Variants in P2RX5 observed in about 807,000 individuals in gnomAD.
P2RX5 encodes purinergic receptor P2X 5.
In P2RX5, 46 loss-of-function variants were observed where a neutral mutation model predicts 54.1. That is an observed-to-expected ratio of 0.85 (90% CI 0.67 to 1.09). The LOEUF (loss-of-function observed/expected upper bound fraction) is 1.09. Among genes scored for constraint, P2RX5 ranks in the 50% least tolerant of loss-of-function variants. The pLI, the probability that P2RX5 is intolerant of heterozygous loss-of-function variation, is 0.00. For missense variants in P2RX5, 566 were observed against 549.8 expected (o/e 1.03, Z -0.29); for synonymous variants, 226 against 226.4 (o/e 1.00, Z 0.02).
At chr17:3,723,397 G>A in the P2RX5 span, 3 of 1,577,576 alleles carry the variant, frequency 1.9e-6, no homozygotes, top group East Asian at 2.2e-5. Flanking sequence ...GAAAAGCGAG[G>A]TCTAGTGAAC....
At chr17:3,704,077 C>G in the P2RX5 span, among the ~76,000 whole-genome samples, 77,189 of 151,634 alleles carry the variant, frequency 0.51, 21,572 homozygotes, top group South Asian at 0.69. Context: ...ACTCCAGCCT[C>G]GGCAACAAGA....
At chr17:3,716,822 CAAT>C in the P2RX5 span, 1 of 1,323,132 alleles carries the variant, frequency 7.6e-7, no homozygotes, top group Non-Finnish European at 1.1e-6. Context: ...AGAGATCGCC[CAAT>C]AAATCAGGTG....
At chr17:3,691,561 G>C in intron 2 of P2RX5, 83 bp downstream of exon 2, 1 of 1,543,388 alleles carries the variant, frequency 6.5e-7, no homozygotes, top group South Asian at 1.1e-5. Context: ...GGGTCCCTGC[G>C]TATCCAAGAA....
At chr17:3,695,750 C>T (rs2293880) in intron 1 of P2RX5, 119 bp downstream of exon 1, 382,954 of 1,268,306 alleles carry the variant, frequency 0.3, 60,911 homozygotes, top group Admixed American at 0.39. Flanking sequence ...CTCACAGACC[C>T]CCAGCTACCG....
chr17:3,681,775 CG>C (rs2050290238), intron 10 of P2RX5, 120 bp downstream of exon 10: 2 of 742,736 alleles, frequency 2.7e-6, no homozygotes, highest in East Asian at 2.6e-5. Context: ...TTCTCCTCCC[CG>C]GGCCCTCCAG....
At chr17:3,699,094 C>CACACACACACACACACACACA (rs57191097), upstream of P2RX5, among the ~76,000 whole-genome samples, 1 of 106,968 alleles carries the variant, frequency 9.3e-6, no homozygotes, top group Admixed American at 1.1e-4. Flanking sequence ...CACACACACA[C>CACACACACACACACACACACA]CTATATATAT....
intron 11 of P2RX5, chr17:3,676,972 G>T: frequency 2.1e-6 from 1 of 474,258 alleles, no homozygotes; most frequent in Non-Finnish European, 2.8e-6. Context: ...TGAGACAGGA[G>T]AATCGATTGA....
chr17:3,716,588 G>A, the P2RX5 span: 1 of 721,780 alleles, frequency 1.4e-6, no homozygotes. Context: ...CACGAGGCCA[G>A]GGCAGCTGCT....
At chr17:3,699,054 C>CAG (rs1206238963), upstream of P2RX5, among the ~76,000 whole-genome samples, 183 of 60,160 alleles carry the variant, frequency 3.0e-3, no homozygotes, top group African/African-American at 6.8e-3. Flanking sequence ...TATAGACAGA[C>CAG]ACACACACAC....
At chr17:3,710,653 C>T in the P2RX5 span, among the ~76,000 whole-genome samples, 79,828 of 151,114 alleles carry the variant, frequency 0.53, 21,946 homozygotes, top group African/African-American at 0.65. Flanking sequence ...GGAGGCCGGG[C>T]GTGGCAACTC....
chr17:3,706,111 C>T, the P2RX5 span, among the ~76,000 whole-genome samples: 477 of 152,128 alleles, frequency 3.1e-3, 6 homozygotes, highest in African/African-American at 0.011. Context: ...CGCACCACCA[C>T]GCCTGGCTAA....
At chr17:3,716,851 A>T in the P2RX5 span, 1 of 988,602 alleles carries the variant, frequency 1.0e-6, no homozygotes, top group Non-Finnish European at 1.6e-6. Flanking sequence ...AACAAGGAAA[A>T]AATCCTACAT....
intron 11 of P2RX5, among the ~76,000 whole-genome samples, chr17:3,674,857 G>T (rs1183804966): frequency 6.6e-6 from 1 of 152,122 alleles, no homozygotes; most frequent in South Asian, 2.1e-4. Context: ...ACCCCATTCC[G>T]TCTGTGATGA....
At position 3,681,883 on chromosome 17, in the gene P2RX5, A is replaced by G; in HGVS notation, c.1064+13T>C. On this transcript the variant is annotated intron_variant, in intron 10 of 11. Coordinates refer to ENST00000225328, the MANE Select transcript of P2RX5 (RefSeq NM_002561.4). ...GGCTGCCCTCGGGCCGCCGGCCTGG[A>G]AGCGGAACTGACCTCACTTCCTCGT... 6.3e-7 allele frequency: 1 copy of G among 1,599,558 alleles called. No homozygotes were observed. The highest frequency in any genetic ancestry group is 8.6e-7 in the Non-Finnish European group (1 of 1,166,888).
Position 3,695,879 on chromosome 17 carries a change from A to T in P2RX5, c.127T>A (p.Tyr43Asn). ...CCGCGGAGAACTTACACGACCAGGT[A>T]CGCCAGGATGGAGGCCTGCAGCAGC... Reference protein sequence around the residue: ...YRLLQASILAYLVVWVFLIKK... With the variant: ...YRLLQASILANLVVWVFLIKK... The change falls in exon 1 of 12, where the codon TAC (tyrosine) becomes AAC (asparagine). Residue 43 changes from tyrosine (Y) to asparagine (N), a missense_variant. Tyr to Asn is a moderately radical substitution (Grantham distance 143, BLOSUM62 -2). Transcript: ENST00000225328. 6.2e-7 allele frequency: 1 copy of T among 1,613,060 alleles called. No individual in the cohort carries two copies.
At chr17:3,689,749 C>G in intron 6 of P2RX5, 119 bp from the exon 7 acceptor site, 1 of 1,338,986 alleles carries the variant, frequency 7.5e-7, no homozygotes, top group Middle Eastern at 2.5e-4. Flanking sequence ...AGCAACACCC[C>G]ACTTTACAGC....
At chr17:3,722,101 C>T in the P2RX5 span, among the ~76,000 whole-genome samples, 210 of 152,030 alleles carry the variant, frequency 1.4e-3, no homozygotes, top group African/African-American at 4.7e-3. Flanking sequence ...ATCGCTTGAA[C>T]CCGGGAGGCG....
At chr17:3,711,565 GA>G in the P2RX5 span, among the ~76,000 whole-genome samples, 1 of 151,368 alleles carries the variant, frequency 6.6e-6, no homozygotes, top group Admixed American at 6.6e-5. Context: ...TATTTTTAAT[GA>G]AGATGGGGTT....
At position 3,682,295 on chromosome 17, in the gene P2RX5, G is replaced by A. The variant is rs529995222; in HGVS notation, c.982-317C>T. 424 of 404,416 alleles carry A rather than the reference G, an allele frequency of 1.0e-3. 2 individuals are homozygous for A. Among genetic ancestry groups the A allele is most frequent in the South Asian group, 8.3e-3 (398 of 47,976 alleles). The allele number at this position is 404,416 out of a possible 1,614,324, so 25.1% of individuals were successfully genotyped here. On this transcript the variant is annotated intron_variant, in intron 9 of 11. Transcript: ENST00000225328. ...CCCAGCACGTGCCAGTGTCTGCACCGAAGTACGGAGAGGATCTGGACAAGA... is the reference window on the plus strand; with the variant it reads ...CCCAGCACGTGCCAGTGTCTGCACCAAAGTACGGAGAGGATCTGGACAAGA...
Sources: allele counts gnomAD v4.1 joint callset (sites outside exome capture counted in the v4.1 genomes callset), GRCh38; gene constraint gnomAD v4.1.1; transcripts MANE v1.5; gene names NCBI Gene and HGNC (gene_info 2026-07-23, HGNC 2026-07-21).